HK1: variants seen among roughly 807,000 people sequenced by gnomAD.
The protein encoded by HK1 is hexokinase 1, also known as hexokinase-1.
In HK1, 28 loss-of-function variants were observed where a neutral mutation model predicts 91.6. The observed-to-expected ratio is 0.31, with a 90% CI of 0.23 to 0.42. The LOEUF (loss-of-function observed/expected upper bound fraction) is 0.42. Among genes scored for constraint, HK1 ranks in the 10% least tolerant of loss-of-function variants. HK1 has a pLI of 1.00. For synonymous variants in HK1, 430 were observed against 468.1 expected, an observed-to-expected ratio of 0.92 and a Z score of 1.05; for missense variants, 770 against 1,219.8, an observed-to-expected ratio of 0.63 and a Z score of 5.49.
intron 4 of HK1, among the ~76,000 whole-genome samples, chr10:69,300,175 C>T (rs911631987): frequency 1.3e-5 from 2 of 151,624 alleles, no homozygotes; most frequent in African/African-American, 4.9e-5. Context: ...TTTCATCACC[C>T]CCCAAAATCC....
At chr10:69,293,048 G>T (rs1053518292) in intron 3 of HK1, among the ~76,000 whole-genome samples, 1 of 152,156 alleles carries the variant, frequency 6.6e-6, no homozygotes, top group African/African-American at 2.4e-5. Context: ...GCCTCCACTG[G>T]CTCCAGAGCA....
chr10:69,352,578 G>A (rs1229588904), intron 2 of HK1, among the ~76,000 whole-genome samples: 1 of 152,188 alleles, frequency 6.6e-6, no homozygotes, highest in Non-Finnish European at 1.5e-5. Context: ...CAGCATGGAT[G>A]AGCCTTGAAA....
At chr10:69,323,105 A>G (rs371523497) in intron 1 of HK1, among the ~76,000 whole-genome samples, 3 of 150,726 alleles carry the variant, frequency 2.0e-5, no homozygotes, top group East Asian at 2.0e-4. Context: ...AATTAGCTGG[A>G]CGTGGTAGCA....
In HK1 at chr10:69,398,774, A is replaced by G. The variant is rs779879396; in HGVS notation, c.2555A>G (p.Asp852Gly). ...AAGATCCGCGAGAACAGAGGACTGG[A>G]CCGTCTGAATGTGACTGTGGGAGTG... ...VDKIRENRGL[D>G]RLNVTVGVDG... Residue 852 changes from aspartate to glycine, a missense_variant, in exon 17 of 18, where the codon GAC (aspartate) becomes GGC (glycine). By Grantham distance (94) the Asp-to-Gly change is moderately conservative. This residue lies in a region of HK1 where 78 missense variants were observed against 99.0 expected (regional missense o/e 0.79). Coordinates refer to ENST00000359426, the MANE Select transcript of HK1 (RefSeq NM_000188.3). 6.2e-7 allele frequency: 1 copy of G among 1,614,168 alleles called. No homozygotes were observed. Among genetic ancestry groups the G allele is most frequent in the South Asian group, 1.1e-5 (1 of 91,086 alleles).
intron 5 of HK1, among the ~76,000 whole-genome samples, chr10:69,303,089 A>G (rs1011315169): frequency 3.3e-5 from 5 of 152,094 alleles, no homozygotes; most frequent in African/African-American, 1.2e-4. Flanking sequence ...ATCAGTTAGT[A>G]TTAGATTTGG....
intron 2 of HK1, among the ~76,000 whole-genome samples, chr10:69,284,817 T>C (rs1438187806): frequency 6.6e-6 from 1 of 152,026 alleles, no homozygotes; most frequent in Admixed American, 6.6e-5. Flanking sequence ...TTTTTAGTTT[T>C]TCTTTTTTCT....
At chr10:69,307,701 A>G (rs1041078625) in intron 5 of HK1, among the ~76,000 whole-genome samples, 1 of 152,204 alleles carries the variant, frequency 6.6e-6, no homozygotes, top group African/African-American at 2.4e-5. Flanking sequence ...TTAAGGATCA[A>G]TCAGTCAATA....
In HK1 at chr10:69,364,763, T is replaced by C; in HGVS notation, c.376-20T>C. ...TAAGCCTGCTTTGGGGCCCCCTGAC[T>C]GCTCTCATGTTTCCTTCAGCTTTTT... On this transcript the variant is annotated intron_variant, in intron 3 of 17. Coordinates refer to ENST00000359426, the MANE Select transcript of HK1 (RefSeq NM_000188.3). 6.2e-7 allele frequency: 1 copy of C among 1,614,190 alleles called. No individual in the cohort carries two copies. Among genetic ancestry groups the C allele is most frequent in the Non-Finnish European group, 8.5e-7 (1 of 1,180,012 alleles).
intron 1 of HK1, among the ~76,000 whole-genome samples, chr10:69,276,171 TTCTA>T (rs1340456374): frequency 2.7e-4 from 37 of 138,400 alleles, no homozygotes; most frequent in African/African-American, 9.9e-4. Context: ...AAATAAGTAA[TTCTA>T]TATATTTATT....
At chr10:69,285,887 T>A (rs1845007018) in intron 2 of HK1, among the ~76,000 whole-genome samples, 2 of 152,170 alleles carry the variant, frequency 1.3e-5, no homozygotes, top group Non-Finnish European at 2.9e-5. Flanking sequence ...CCTGGGCCAG[T>A]CCCAAGGGTT....
chr10:69,382,665 GAC>G lies in HK1; in HGVS notation c.1446_1447del (p.Met483AlafsTer27), dbSNP rs767789916. The G allele has an allele frequency of 6.2e-7, 1 of 1,613,986 alleles. No homozygotes were observed. The part of the protein sequence containing the change: ...ETLAHFHLTK[D>X]MLLEVKKRMR... ...CCTGGCTCATTTCCACCTCACCAAG[GAC>G]ATGCTGCTGGAGGTGAAGAAGAGGA... On this transcript the variant is annotated frameshift_variant, in exon 10 of 18. Transcript: ENST00000359426. LOFTEE classifies it high-confidence loss of function.
chr10:69,299,358 T>TG, intron 4 of HK1, among the ~76,000 whole-genome samples: 1 of 149,288 alleles, frequency 6.7e-6, no homozygotes, highest in Non-Finnish European at 1.5e-5. Flanking sequence ...TGTTTGTGGT[T>TG]TTTGTTTGTT....
upstream of HK1, among the ~76,000 whole-genome samples, chr10:69,316,795 T>C (rs1408301997): frequency 6.6e-6 from 1 of 152,258 alleles, no homozygotes; most frequent in African/African-American, 2.4e-5. Flanking sequence ...TGCCAGGCCC[T>C]GCGCTTGTGT....
At chr10:69,324,031 A>G (rs1847189527) in intron 1 of HK1, among the ~76,000 whole-genome samples, 1 of 152,106 alleles carries the variant, frequency 6.6e-6, no homozygotes, top group Non-Finnish European at 1.5e-5. Flanking sequence ...GCACCTGCTT[A>G]TGGATTTGTT....
intron 16 of HK1, 26 bp from the exon 17 acceptor site, chr10:69,398,569 A>G: frequency 6.3e-7 from 1 of 1,593,926 alleles, no homozygotes. Flanking sequence ...TGCTTCATCC[A>G]GCCCTCTGGC....
chr10:69,327,588 C>T (rs555032682), intron 1 of HK1, among the ~76,000 whole-genome samples: 7 of 152,238 alleles, frequency 4.6e-5, no homozygotes, highest in African/African-American at 1.7e-4. Context: ...AGCTGTGTAC[C>T]TAGGGCTGAG....
chr10:69,288,392 T>C (rs1219949773), intron 2 of HK1, among the ~76,000 whole-genome samples: 1 of 152,138 alleles, frequency 6.6e-6, no homozygotes, highest in East Asian at 1.9e-4. Context: ...GAGGTTTGCT[T>C]GAGCCCAGGA....
chr10:69,377,876 G>A (rs569421243), intron 8 of HK1, among the ~76,000 whole-genome samples: 15 of 152,330 alleles, frequency 9.8e-5, no homozygotes, highest in Admixed American at 2.0e-4. Context: ...CCGGTTAACA[G>A]ATGAGACAGG....
intron 3 of HK1, among the ~76,000 whole-genome samples, chr10:69,294,146 C>T (rs1234459437): frequency 6.6e-6 from 1 of 152,090 alleles, no homozygotes; most frequent in Non-Finnish European, 1.5e-5. Flanking sequence ...CAGGCGTGAG[C>T]CACCGCGCCC....
Sources: gnomAD v4.1 joint callset for allele counts (sites outside exome capture counted in the v4.1 genomes callset) on GRCh38, gnomAD v4.1.1 for gene constraint, gnomAD v4.1.1 regional missense constraint, MANE v1.5 for transcripts, NCBI Gene and HGNC (gene_info 2026-07-23, HGNC 2026-07-21) for gene names.